The following APBA1 variants were observed in gnomAD, a reference collection of about 807,000 sequenced individuals.
APBA1 encodes the protein amyloid beta precursor protein binding family A member 1.
APBA1 carries 55 observed loss-of-function variants against 86.6 expected under a neutral mutation model. That is an observed-to-expected ratio of 0.64 (90% CI 0.51 to 0.80). APBA1 has a LOEUF of 0.80. APBA1 is among the 30% of genes least tolerant of loss of function. The probability of loss-of-function intolerance (pLI) is 0.00; values close to 1 mark genes in which losing one functional copy is unlikely to be tolerated. For missense variants in APBA1, 1,090 were observed against 1,183.0 expected (o/e 0.92, Z 1.15); for synonymous variants, 511 against 493.9 (o/e 1.03, Z -0.46).
intron 1 of APBA1, among the ~76,000 whole-genome samples, chr9:69,553,116 C>T (rs1161419726): frequency 2.0e-5 from 3 of 152,082 alleles, no homozygotes; most frequent in South Asian, 2.1e-4. Context: ...ATGTTGCCCA[C>T]GTTAGTGTTG....
chr9:69,430,963 C>T lies in APBA1; in HGVS notation c.*364G>A, dbSNP rs12351346. On this transcript the variant is annotated 3_prime_UTR_variant, in exon 13 of 13. Coordinates refer to ENST00000265381, the MANE Select transcript of APBA1 (RefSeq NM_001163.4). ...TGCTGAATCAGCTGCTTTGCTGCCC[C>T]GCGAGCTCCTTTTAAGAAGTCTGCA... is the stretch of plus-strand genomic sequence containing the variant. 0.074 allele frequency: 14,523 copies of T among 194,986 alleles called. 1,049 individuals are homozygous for T. Among genetic ancestry groups the T allele is most frequent in the African/African-American group, 0.2 (8,654 of 43,194 alleles). The allele number at this position is 194,986 out of a possible 1,614,324, so 12.1% of individuals were successfully genotyped here. A position where few individuals can be genotyped will look rare whatever the true frequency, so the allele number is the denominator to read the frequency against.
chr9:69,511,979 C>T (rs1231941082), intron 2 of APBA1, among the ~76,000 whole-genome samples: 2 of 151,382 alleles, frequency 1.3e-5, no homozygotes, highest in African/African-American at 4.9e-5. Context: ...TGCTAGATGA[C>T]GAGTTAGTGG....
chr9:69,568,433 T>C (rs967931982), intron 1 of APBA1, among the ~76,000 whole-genome samples: 2 of 152,236 alleles, frequency 1.3e-5, no homozygotes, highest in African/African-American at 4.8e-5. Flanking sequence ...AATTACATCT[T>C]CCATTTAATT....
At chr9:69,515,821 T>G (rs916789463) in intron 2 of APBA1, among the ~76,000 whole-genome samples, 190 bp downstream of exon 2, 1 of 152,020 alleles carries the variant, frequency 6.6e-6, no homozygotes, top group Non-Finnish European at 1.5e-5. Context: ...CATTCAACAC[T>G]TTAATTCTCT....
At chr9:69,604,651 C>T (rs568763301) in intron 1 of APBA1, among the ~76,000 whole-genome samples, 1 of 144,712 alleles carries the variant, frequency 6.9e-6, no homozygotes, top group East Asian at 2.1e-4. Flanking sequence ...CACACATGCA[C>T]ACATGAGGGT....
intron 1 of APBA1, among the ~76,000 whole-genome samples, chr9:69,606,207 T>G (rs1822467777): frequency 6.6e-6 from 1 of 152,240 alleles, no homozygotes; most frequent in African/African-American, 2.4e-5. Flanking sequence ...TAGCAGAGAA[T>G]TGCTTTTGAT....
chr9:69,641,914 C>T (rs150035450), intron 1 of APBA1, among the ~76,000 whole-genome samples: 4 of 152,256 alleles, frequency 2.6e-5, no homozygotes, highest in African/African-American at 4.8e-5. Flanking sequence ...GGCGTGATCT[C>T]GGCTCACTGC....
intron 1 of APBA1, among the ~76,000 whole-genome samples, chr9:69,546,280 C>A (rs911693774): frequency 6.6e-6 from 1 of 152,190 alleles, no homozygotes; most frequent in Non-Finnish European, 1.5e-5. Flanking sequence ...AGTAGCAGAG[C>A]GAGTTATTCT....
At chr9:69,588,755 G>A (rs981416840) in intron 1 of APBA1, among the ~76,000 whole-genome samples, 1 of 152,132 alleles carries the variant, frequency 6.6e-6, no homozygotes, top group African/African-American at 2.4e-5. Flanking sequence ...ATTATGCTAG[G>A]AGCTTTACAT....
At chr9:69,521,634 CAG>C (rs1346566023) in intron 1 of APBA1, among the ~76,000 whole-genome samples, 1 of 152,126 alleles carries the variant, frequency 6.6e-6, no homozygotes, top group African/African-American at 2.4e-5. Context: ...TAATACAAAA[CAG>C]AGTAACGCCA....
At chr9:69,539,120 T>C (rs1836558922) in intron 1 of APBA1, among the ~76,000 whole-genome samples, 1 of 152,032 alleles carries the variant, frequency 6.6e-6, no homozygotes. Flanking sequence ...GCTCAGTCTT[T>C]GGACTCAACT....
At chr9:69,490,678 T>A (rs981712966) in intron 2 of APBA1, among the ~76,000 whole-genome samples, 9 of 152,096 alleles carry the variant, frequency 5.9e-5, no homozygotes, top group African/African-American at 2.2e-4. Flanking sequence ...ACCTACAGAA[T>A]GGGAGAAAAT....
intron 1 of APBA1, among the ~76,000 whole-genome samples, chr9:69,632,287 T>G (rs1823063564): frequency 6.6e-6 from 1 of 152,110 alleles, no homozygotes; most frequent in Non-Finnish European, 1.5e-5. Flanking sequence ...TCTTCAAATA[T>G]CTAATTATCA....
chr9:69,451,888 G>C (rs1341052038), intron 9 of APBA1, among the ~76,000 whole-genome samples: 2 of 152,172 alleles, frequency 1.3e-5, no homozygotes, highest in African/African-American at 2.4e-5. Context: ...CTTAGCTCAG[G>C]ATGACCAGGA....
chr9:69,455,380 C>G (rs911407712), intron 8 of APBA1, among the ~76,000 whole-genome samples: 1 of 152,040 alleles, frequency 6.6e-6, no homozygotes, highest in African/African-American at 2.4e-5. Flanking sequence ...ACTGCTGAGG[C>G]CCAGGATGGT....
At chr9:69,588,965 T>C (rs1822075098) in intron 1 of APBA1, among the ~76,000 whole-genome samples, 1 of 152,130 alleles carries the variant, frequency 6.6e-6, no homozygotes, top group South Asian at 2.1e-4. Context: ...GCTTTTTTGT[T>C]TGTTTTCGAG....
intron 2 of APBA1, among the ~76,000 whole-genome samples, chr9:69,505,951 G>A (rs1183048307): frequency 1.3e-5 from 2 of 151,812 alleles, no homozygotes; most frequent in Admixed American, 1.3e-4. Flanking sequence ...CCTGGGAGGC[G>A]GAGGTTGCAG....
chr9:69,441,303 G>A (rs561542744), intron 10 of APBA1, among the ~76,000 whole-genome samples, 188 bp from the exon 11 acceptor site: 1 of 152,356 alleles, frequency 6.6e-6, no homozygotes, highest in East Asian at 1.9e-4. Flanking sequence ...CCAGGGCTAA[G>A]ACGCCACATG....
intron 2 of APBA1, among the ~76,000 whole-genome samples, chr9:69,482,526 G>A (rs529211252): frequency 4.0e-5 from 6 of 150,914 alleles, no homozygotes; most frequent in African/African-American, 1.5e-4. Context: ...CTGTTGGTGG[G>A]ACTGTAAACT....
Sources: allele counts gnomAD v4.1 joint callset (sites outside exome capture counted in the v4.1 genomes callset), GRCh38; gene constraint gnomAD v4.1.1; transcripts MANE v1.5; gene names NCBI Gene and HGNC (gene_info 2026-07-23, HGNC 2026-07-21).